The following SAGE1 variants were observed in gnomAD, a reference collection of about 807,000 sequenced individuals.
SAGE1 encodes the protein sarcoma antigen 1, also known as cancer/testis antigen 14.
Under a neutral mutation model 55.4 loss-of-function variants are expected in SAGE1, and 55 were observed. That is an observed-to-expected ratio of 0.99 (90% confidence interval 0.80 to 1.24). SAGE1 has a LOEUF of 1.24. SAGE1 is among the 50% of genes most tolerant of loss of function. The probability of loss-of-function intolerance (pLI) is 0.00; values close to 1 mark genes in which losing one functional copy is unlikely to be tolerated. For synonymous variants in SAGE1, 240 were observed against 244.3 expected (o/e 0.98, Z 0.17); for missense variants, 710 against 704.4 (o/e 1.01, Z -0.09).
In SAGE1 at chrX:135,912,320, G is replaced by T. The variant is rs1556606986; in HGVS notation, c.2522-1G>T. 3 of 1,183,054 alleles carry T rather than the reference G, an allele frequency of 2.5e-6. No individual in the cohort carries two copies. The highest frequency in any genetic ancestry group is 3.4e-6 in the Non-Finnish European group (3 of 883,934). On this transcript the variant is annotated splice_acceptor_variant, in intron 18 of 19. Coordinates refer to ENST00000370709, the MANE Select transcript of SAGE1 (RefSeq NM_001381902.1). LOFTEE classifies it high-confidence loss of function. ...AATACTAATTTTTAAAATATCTTCA[G>T]ATTATGAAAGAATTTTCATTTTGCT...
At chrX:135,909,856 G>C in intron 14 of SAGE1, 77 bp downstream of exon 14, 1 of 1,035,543 alleles carries the variant, frequency 9.7e-7, no homozygotes, top group Non-Finnish European at 1.3e-6. Flanking sequence ...GGAGAAGGTG[G>C]TTTTGTTGTA....
At chrX:135,895,733 T>C (rs145634332) in intron 1 of SAGE1, among the ~76,000 whole-genome samples, 390 of 112,154 alleles carry the variant, frequency 3.5e-3, no homozygotes, top group African/African-American at 0.012. Context: ...TTGGACTATG[T>C]GGTTATAAAT....
Position 135,908,526 on chromosome X carries a change from A to G in SAGE1, c.1350A>G (p.Gln450=), listed in dbSNP as rs782791406. 8.3e-7 allele frequency: 1 copy of G among 1,208,439 alleles called. No individual in the cohort carries two copies. Among genetic ancestry groups the G allele is most frequent in the Non-Finnish European group, 1.1e-6 (1 of 893,786 alleles). Residue 450 remains glutamine, a synonymous_variant, in exon 12 of 20, where the codon CAA becomes CAG. Transcript: ENST00000370709. ...ATGAAGCAAGGATGGAAAATGGCCA[A>G]CGAAAACAGGATAACGTCTTGTCAA... is the stretch of plus-strand genomic sequence containing the variant. ...HVHEARMENG[Q]RKQDNVLSNV...
At chrX:135,894,190 A>G (rs1446048234) in intron 1 of SAGE1, among the ~76,000 whole-genome samples, 1 of 111,970 alleles carries the variant, frequency 8.9e-6, no homozygotes, top group African/African-American at 3.2e-5. Flanking sequence ...CTCCTGCCTC[A>G]GCCTCCCAAA....
intron 3 of SAGE1, 26 bp downstream of exon 3, chrX:135,901,717 C>T (rs782176775): frequency 2.5e-6 from 3 of 1,180,713 alleles, no homozygotes; most frequent in East Asian, 6.0e-5. Flanking sequence ...ATCTTTGGGC[C>T]TCAACCATGT....
chrX:135,898,260 C>A (rs2088618017), intron 2 of SAGE1, among the ~76,000 whole-genome samples: 1 of 111,031 alleles, frequency 9.0e-6, no homozygotes, highest in African/African-American at 3.3e-5. Context: ...ACCTCGTGAT[C>A]CGCCCGCCTT....
chrX:135,895,146 T>G (rs1343798352), intron 1 of SAGE1, among the ~76,000 whole-genome samples: 6 of 111,149 alleles, frequency 5.4e-5, no homozygotes, highest in African/African-American at 1.6e-4. Flanking sequence ...AATCTTAGAG[T>G]GTACATTTAA....
chrX:135,907,511 C>T, intron 9 of SAGE1, 58 bp downstream of exon 9: 11 of 1,082,920 alleles, frequency 1.0e-5, no homozygotes, highest in Non-Finnish European at 1.4e-5. Context: ...TGCACAGTGT[C>T]ATAAAGGGAA....
intron 3 of SAGE1, among the ~76,000 whole-genome samples, chrX:135,903,040 C>T (rs782341142): frequency 5.4e-5 from 6 of 111,978 alleles, no homozygotes; most frequent in East Asian, 2.8e-4. Flanking sequence ...GACCCTGAAC[C>T]GGCTTTGGTC....
rs1185764597 is a variant in SAGE1 at position 135,897,039 on chromosome X, T to C, written c.87+710T>C. On this transcript the variant is annotated intron_variant, in intron 2 of 19. Transcript: ENST00000370709. ...ATCTTTCTGACTCCAGAGTCTATAT[T>C]CTTTCCCACTCCCCACAATAACTCC... Among the ~76,000 whole-genome samples the C allele has an allele frequency of 2.7e-5, 3 of 111,685 alleles. No individual in the cohort carries two copies. In the East Asian group the frequency reaches 8.4e-4, roughly 31 times the overall value.
chrX:135,906,047 C>T lies in SAGE1; in HGVS notation c.478C>T (p.Arg160Cys), dbSNP rs782526588. Residue 160 changes from arginine (R) to cysteine (C), a missense_variant, in exon 6 of 20, where the codon CGT becomes TGT. Arg to Cys is a radical substitution (Grantham distance 180). Transcript: ENST00000370709. The part of the protein sequence containing the change: ...DLHSTVTHNI[R>C]EERMENGQPQ... ...AGATTCTACCGTCACTCACAATATC[C>T]GTGAAGAGAGAATGGAAAATGGCCA... is the stretch of plus-strand genomic sequence containing the variant. 17 of 1,201,269 alleles carry T rather than the reference C, an allele frequency of 1.4e-5. No individual in the cohort carries two copies. The highest frequency in any genetic ancestry group is 5.4e-5 in the South Asian group (3 of 55,475).
chrX:135,900,896 C>G lies in SAGE1; in HGVS notation c.88-663C>G, dbSNP rs1556596112. On this transcript the variant is annotated intron_variant, in intron 2 of 19. Transcript: ENST00000370709. ...GTGTGGTGGCTCGCACCTGTAATCC[C>G]AGCACTTTGGGAGGCCGAGGTGGGA... Among the ~76,000 whole-genome samples, 8 of 110,840 alleles carry G rather than the reference C, an allele frequency of 7.2e-5. No homozygotes were observed. The South Asian group carries it at 3.1e-3, about 43-fold the overall frequency.
chrX:135,906,994 T>G lies in SAGE1; in HGVS notation c.805T>G (p.Leu269Val). Residue 269 changes from leucine (L) to valine (V), a missense_variant, in exon 8 of 20, where the codon TTG becomes GTG. Transcript: ENST00000370709. ...EKGQPQPDNI[L>V]STASTGLINV... ...GGGCCAACCCCAACCTGATAACATC[T>G]TGTCAACTGCTTCAACAGGGCTTAT... 1 of 1,210,228 alleles carries G rather than the reference T, an allele frequency of 8.3e-7. No homozygotes were observed. Among genetic ancestry groups the G allele is most frequent in the South Asian group, 1.8e-5 (1 of 56,934 alleles).
intron 3 of SAGE1, among the ~76,000 whole-genome samples, chrX:135,903,930 G>A (rs2088732446): frequency 8.9e-6 from 1 of 112,201 alleles, no homozygotes; most frequent in Non-Finnish European, 1.9e-5. Flanking sequence ...CCTGATCTCT[G>A]TCACAAGATC....
At position 135,905,365 on chromosome X, in the gene SAGE1, A is replaced by G. The variant is rs1556600006; in HGVS notation, c.427A>G (p.Ile143Val). 2.5e-6 allele frequency: 3 copies of G among 1,207,428 alleles called. No individual in the cohort carries two copies. In the African/African-American group the frequency reaches 5.2e-5, roughly 21 times the overall value. ...PQLVHMAAAG[I>V]PSMSTRDLHS... Reference sequence around the variant, plus strand: ...GCTTGTTCATATGGCTGCAGCTGGTATTCCATCCATGAGTACCAGGGATCT... The same window carrying G: ...GCTTGTTCATATGGCTGCAGCTGGTGTTCCATCCATGAGTACCAGGGATCT... The change falls in exon 5 of 20, where the codon ATT (isoleucine) becomes GTT (valine). Residue 143 changes from isoleucine (I) to valine (V), a missense_variant. Coordinates refer to ENST00000370709, the MANE Select transcript of SAGE1 (RefSeq NM_001381902.1).
rs1556605384 is a variant in SAGE1 at position 135,910,108 on chromosome X, T to C, written c.1802T>C (p.Val601Ala). The change falls in exon 15 of 20, where the codon GTT becomes GCT. Residue 601 changes from valine to alanine, a missense_variant. Val to Ala is a moderately conservative substitution (Grantham distance 64). Coordinates refer to ENST00000370709, the MANE Select transcript of SAGE1 (RefSeq NM_001381902.1). ...GCATCCGATAATGTCTTCTCGACTG[T>C]TCCACCAGCATTTATTAATATGGCA... is the stretch of plus-strand genomic sequence containing the variant. Reference protein sequence around the residue: ...QAASDNVFSTVPPAFINMAAT... With the variant: ...QAASDNVFSTAPPAFINMAAT... 1 of 1,205,247 alleles carries C rather than the reference T, an allele frequency of 8.3e-7. No homozygotes were observed. Among genetic ancestry groups the C allele is most frequent in the Non-Finnish European group, 1.1e-6 (1 of 890,964 alleles).
Position 135,896,257 on chromosome X carries a change from A to C in SAGE1, c.15A>C (p.Pro5=). 1 of 1,199,015 alleles carries C rather than the reference A, an allele frequency of 8.3e-7. No homozygotes were observed. The highest frequency in any genetic ancestry group is 1.1e-6 in the Non-Finnish European group (1 of 885,068). MQAS[P]LQTSQPTPPE... ...ACTATCTGCAGATGCAGGCTTCTCC[A>C]CTTCAAACGAGTCAACCAACTCCAC... The change falls in exon 2 of 20, where the codon CCA becomes CCC. Residue 5 remains proline (P), a synonymous_variant. Transcript: ENST00000370709.
At position 135,907,384 on chromosome X, in the gene SAGE1, TCAACTGTTCAACCAGTG is replaced by T; in HGVS notation, c.950_966del (p.Ser317TyrfsTer27). ...CCAACCGCAACCTAATAACGTATTG[TCAACTGTTCAACCAGTG>T]ATTATTTATTTGACAGCAACTGGTA... On this transcript the variant is annotated frameshift_variant, in exon 9 of 20. Coordinates refer to ENST00000370709, the MANE Select transcript of SAGE1 (RefSeq NM_001381902.1). LOFTEE classifies it high-confidence loss of function. The T allele has an allele frequency of 1.4e-5, 17 of 1,205,973 alleles. No homozygotes were observed. Among genetic ancestry groups the T allele is most frequent in the Non-Finnish European group, 1.9e-5 (17 of 890,661 alleles).
chrX:135,912,638 A>C (rs2088918544), intron 19 of SAGE1, 160 bp from the exon 20 acceptor site: 1 of 749,924 alleles, frequency 1.3e-6, no homozygotes, highest in Non-Finnish European at 1.6e-6. Flanking sequence ...GTGGGCCCTC[A>C]GTTGACTCAC....
Sources: allele counts gnomAD v4.1 joint callset (sites outside exome capture counted in the v4.1 genomes callset), GRCh38; gene constraint gnomAD v4.1.1; transcripts MANE v1.5; gene names NCBI Gene and HGNC (gene_info 2026-07-23, HGNC 2026-07-21).